P4HA1: variants seen among roughly 807,000 people sequenced by gnomAD.
P4HA1 encodes the protein prolyl 4-hydroxylase subunit alpha 1.
In P4HA1, 24 loss-of-function variants were observed where a neutral mutation model predicts 72.8. That is an observed-to-expected ratio of 0.33 (90% CI 0.24 to 0.46). The LOEUF (loss-of-function observed/expected upper bound fraction) is 0.46, where lower values mean the gene tolerates loss of function less well. Among genes scored for constraint, P4HA1 ranks in the 20% least tolerant of loss-of-function variants. The pLI is 1.00. For synonymous variants in P4HA1, 201 were observed against 218.8 expected (o/e 0.92, Z 0.72); for missense variants, 446 against 640.6 (o/e 0.70, Z 3.28).
intron 1 of P4HA1, among the ~76,000 whole-genome samples, chr10:73,090,018 G>A (rs1043522185): frequency 5.9e-5 from 9 of 152,146 alleles, no homozygotes; most frequent in Non-Finnish European, 1.0e-4. Context: ...TTTTTTTGTA[G>A]AGACAGGGTT....
chr10:73,074,027 AT>A (rs1209405814), intron 2 of P4HA1, 200 bp from the exon 3 acceptor site: 12 of 548,850 alleles, frequency 2.2e-5, no homozygotes, highest in Admixed American at 3.3e-5. Flanking sequence ...TCCAGTTCTA[AT>A]TTTTAAGCCA....
At chr10:73,014,323 A>G (rs201261379) in intron 11 of P4HA1, 34 bp from the exon 12 acceptor site, 63 of 1,484,292 alleles carry the variant, frequency 4.2e-5, no homozygotes, top group Non-Finnish European at 5.8e-5. Context: ...TCAATGGTGT[A>G]AAAATTCAGT....
At chr10:73,060,467 G>A (rs1841288228) in intron 5 of P4HA1, among the ~76,000 whole-genome samples, 1 of 152,076 alleles carries the variant, frequency 6.6e-6, no homozygotes, top group Non-Finnish European at 1.5e-5. Context: ...CAGCTACTCA[G>A]AAGGCTGAAG....
chr10:73,033,721 C>T (rs1345305297), intron 9 of P4HA1, among the ~76,000 whole-genome samples: 2 of 152,020 alleles, frequency 1.3e-5, no homozygotes, highest in Non-Finnish European at 2.9e-5. Context: ...TATATTAAAA[C>T]GAATTACTCA....
intron 10 of P4HA1, among the ~76,000 whole-genome samples, chr10:73,022,826 G>A (rs566495464): frequency 9.8e-5 from 15 of 152,302 alleles, no homozygotes; most frequent in Admixed American, 4.6e-4. Flanking sequence ...GAAAACCATG[G>A]CATAAGAACG....
intron 3 of P4HA1, 131 bp downstream of exon 3, chr10:73,073,600 C>G (rs1841618695): frequency 3.2e-6 from 2 of 625,812 alleles, no homozygotes; most frequent in Non-Finnish European, 5.7e-6. Context: ...CTCTATACTC[C>G]TATTTTAGCC....
At chr10:73,034,938 C>CTTT in intron 9 of P4HA1, among the ~76,000 whole-genome samples, 1 of 151,960 alleles carries the variant, frequency 6.6e-6, no homozygotes, top group East Asian at 1.9e-4. Context: ...AATTCATTTC[C>CTTT]TTTTTTAAGG....
chr10:73,089,739 A>G (rs1259828335), intron 1 of P4HA1, among the ~76,000 whole-genome samples: 2 of 151,856 alleles, frequency 1.3e-5, no homozygotes, highest in Non-Finnish European at 2.9e-5. Flanking sequence ...CGTATATACA[A>G]TTCCATTTTT....
At chr10:73,008,389 G>C in intron 14 of P4HA1, 97 bp from the exon 15 acceptor site, 1 of 783,164 alleles carries the variant, frequency 1.3e-6, no homozygotes, top group South Asian at 1.7e-5. Context: ...TTCATCATGG[G>C]ATAAAAGTTC....
At chr10:73,090,608 G>A (rs1842008622) in intron 1 of P4HA1, among the ~76,000 whole-genome samples, 2 of 152,002 alleles carry the variant, frequency 1.3e-5, no homozygotes, top group Non-Finnish European at 2.9e-5. Context: ...CAATTTATTA[G>A]TAATCACCCT....
chr10:73,082,210 T>C (rs2133152591), intron 1 of P4HA1, among the ~76,000 whole-genome samples: 1 of 152,344 alleles, frequency 6.6e-6, no homozygotes, highest in South Asian at 2.1e-4. Context: ...AGCTATGATG[T>C]TCATCTTACA....
chr10:73,087,102 A>G (rs1841938926), intron 1 of P4HA1, among the ~76,000 whole-genome samples: 1 of 152,024 alleles, frequency 6.6e-6, no homozygotes, highest in African/African-American at 2.4e-5. Context: ...CCCTTCCAAC[A>G]GCAAAGGATG....
intron 5 of P4HA1, among the ~76,000 whole-genome samples, chr10:73,054,322 C>G (rs1841086501): frequency 6.6e-6 from 1 of 152,166 alleles, no homozygotes; most frequent in African/African-American, 2.4e-5. Flanking sequence ...ATTAATATGT[C>G]ATTTAAATAC....
At chr10:73,076,391 C>T (rs1413240816) in intron 1 of P4HA1, among the ~76,000 whole-genome samples, 1 of 148,886 alleles carries the variant, frequency 6.7e-6, no homozygotes, top group African/African-American at 2.5e-5. Context: ...TGTAGAGAAT[C>T]CAAAACGAAT....
At chr10:73,081,603 C>G (rs1410289554) in intron 1 of P4HA1, among the ~76,000 whole-genome samples, 1 of 152,154 alleles carries the variant, frequency 6.6e-6, no homozygotes, top group East Asian at 1.9e-4. Flanking sequence ...CCCACAGACT[C>G]AACAGGTCAA....
intron 1 of P4HA1, among the ~76,000 whole-genome samples, chr10:73,075,862 C>T (rs144295169): frequency 3.9e-4 from 60 of 152,158 alleles, no homozygotes; most frequent in African/African-American, 1.4e-3. Context: ...TGAGCCACGG[C>T]ACCCGGCCCA....
At chr10:73,040,874 T>C (rs12249126) in intron 9 of P4HA1, among the ~76,000 whole-genome samples, 16,273 of 152,198 alleles carry the variant, frequency 0.11, 1,250 homozygotes, top group East Asian at 0.29. Flanking sequence ...AATAATCTGA[T>C]AAAATCTGTT....
chr10:73,081,229 G>A (rs1841814945), intron 1 of P4HA1, among the ~76,000 whole-genome samples: 1 of 151,652 alleles, frequency 6.6e-6, no homozygotes. Context: ...AGACAAAGAG[G>A]AGGGAGGGAG....
chr10:73,053,929 T>C (rs113071166), intron 5 of P4HA1, among the ~76,000 whole-genome samples: 30 of 150,836 alleles, frequency 2.0e-4, no homozygotes, highest in African/African-American at 6.4e-4. Flanking sequence ...TTTTTTTTTT[T>C]CTTTTGAGAC....
Sources: gnomAD v4.1 joint callset for allele counts (sites outside exome capture counted in the v4.1 genomes callset) on GRCh38, gnomAD v4.1.1 for gene constraint, MANE v1.5 for transcripts, NCBI Gene and HGNC (gene_info 2026-07-23, HGNC 2026-07-21) for gene names.